BPTF: variants seen among roughly 807,000 people sequenced by gnomAD.
BPTF encodes bromodomain PHD finger transcription factor.
BPTF carries 18 observed loss-of-function variants against 292.5 expected under a neutral mutation model. The ratio of observed to expected loss-of-function variants is 0.06; its 90% confidence interval spans 0.04 to 0.09. BPTF has a LOEUF of 0.09. Among genes scored for constraint, BPTF ranks in the 10% least tolerant of loss-of-function variants. The probability of loss-of-function intolerance (pLI) is 1.00; values close to 1 mark genes in which losing one functional copy is unlikely to be tolerated. For synonymous variants in BPTF, 1,225 were observed against 1,251.9 expected (o/e 0.98, Z 0.45); for missense variants, 2,726 against 3,498.7 (o/e 0.78, Z 5.57).
In BPTF at chr17:67,903,882, G is replaced by T. The variant is rs546466065; in HGVS notation, c.2637G>T (p.Ala879=). Residue 879 remains alanine, a synonymous_variant, in exon 8 of 28, where the codon GCG becomes GCT. Transcript: ENST00000306378. ...KQEEEETMQQ[A]TWVKYTFPVK... ...AAGAAGAAGAAACGATGCAGCAAGCGACATGGGTAAAATACACATTTCCAG... is the reference window on the plus strand; with the variant it reads ...AAGAAGAAGAAACGATGCAGCAAGCTACATGGGTAAAATACACATTTCCAG... 2 of 1,592,824 alleles carry T rather than the reference G, an allele frequency of 1.3e-6. No homozygotes were observed. Among genetic ancestry groups the T allele is most frequent in the African/African-American group, 2.7e-5 (2 of 73,392 alleles).
At chr17:67,869,701 C>T (rs568897546) in intron 3 of BPTF, among the ~76,000 whole-genome samples, 1 of 151,728 alleles carries the variant, frequency 6.6e-6, no homozygotes, top group Non-Finnish European at 1.5e-5. Flanking sequence ...TTAGTTAAAC[C>T]GGCAGGGCAC....
intron 15 of BPTF, among the ~76,000 whole-genome samples, chr17:67,928,049 C>G (rs1025448624): frequency 5.3e-5 from 8 of 152,024 alleles, no homozygotes; most frequent in Admixed American, 3.3e-4. Flanking sequence ...ATGCTCAGCT[C>G]ATTTTTGTAT....
intron 2 of BPTF, among the ~76,000 whole-genome samples, chr17:67,856,019 G>T (rs1443270717): frequency 1.3e-5 from 2 of 152,118 alleles, no homozygotes; most frequent in African/African-American, 2.4e-5. Flanking sequence ...TTTCAATCTG[G>T]CAATTACGTT....
intron 14 of BPTF, among the ~76,000 whole-genome samples, chr17:67,924,317 G>A (rs1300245357): frequency 2.0e-5 from 3 of 152,118 alleles, no homozygotes; most frequent in Non-Finnish European, 2.9e-5. Context: ...GTTTCACCAT[G>A]TTGGCCAGGC....
Position 67,911,572 on chromosome 17 carries a change from A to G in BPTF, c.3688A>G (p.Ile1230Val). 1 of 1,614,146 alleles carries G rather than the reference A, an allele frequency of 6.2e-7. No homozygotes were observed. The highest frequency in any genetic ancestry group is 1.1e-5 in the South Asian group (1 of 91,078). Residue 1230 changes from isoleucine (I) to valine (V), a missense_variant, in exon 11 of 28, where the codon ATC (isoleucine) becomes GTC (valine). Ile to Val is a conservative substitution (Grantham distance 29). Transcript: ENST00000306378. ...CAGTGCAGATGATATTGGTACTTTG[A>G]TCTGTAAGAACAAAAAACCGCTCAT... ...LASADDIGTL[I>V]CKNKKPLIQE...
intron 4 of BPTF, among the ~76,000 whole-genome samples, chr17:67,886,485 C>T (rs2060763481): frequency 6.8e-6 from 1 of 147,788 alleles, no homozygotes; most frequent in African/African-American, 2.5e-5. Context: ...CTTTATTTTT[C>T]ATTTTTTTTT....
intron 14 of BPTF, among the ~76,000 whole-genome samples, chr17:67,923,471 CTTTTTTTTTTTTT>C (rs58462646): frequency 5.9e-5 from 4 of 67,494 alleles, no homozygotes; most frequent in African/African-American, 1.2e-4. Context: ...CTCTCTCTGT[CTTTTTTTTTTTTT>C]TTTTTTTTTT....
intron 2 of BPTF, among the ~76,000 whole-genome samples, chr17:67,861,415 C>G (rs2145283066): frequency 6.6e-6 from 1 of 151,928 alleles, no homozygotes; most frequent in Non-Finnish European, 1.5e-5. Context: ...ACTGCAACCC[C>G]CTGCCTCTTG....
chr17:67,846,072 A>G (rs767477733), intron 1 of BPTF, among the ~76,000 whole-genome samples: 20 of 152,326 alleles, frequency 1.3e-4, no homozygotes, highest in Admixed American at 5.2e-4. Flanking sequence ...AATATAGGGT[A>G]ACATTCACTA....
intron 9 of BPTF, among the ~76,000 whole-genome samples, chr17:67,908,108 T>A: frequency 6.6e-6 from 1 of 152,214 alleles, no homozygotes; most frequent in East Asian, 1.9e-4. Flanking sequence ...ATGGGCTTTC[T>A]GGAATGATCA....
intron 7 of BPTF, among the ~76,000 whole-genome samples, chr17:67,898,846 C>G (rs911509769): frequency 6.8e-6 from 1 of 146,954 alleles, no homozygotes; most frequent in Non-Finnish European, 1.5e-5. Flanking sequence ...CACTTGAGGC[C>G]AGGAGCTGGA....
At chr17:67,929,170 C>A in intron 16 of BPTF, 166 bp from the exon 17 acceptor site, 1 of 1,392,332 alleles carries the variant, frequency 7.2e-7, no homozygotes, top group Non-Finnish European at 9.3e-7. Flanking sequence ...CATACTGTTG[C>A]CATTATTTTT....
intron 4 of BPTF, among the ~76,000 whole-genome samples, chr17:67,891,181 C>CA (rs1221441428): frequency 2.0e-5 from 3 of 147,388 alleles, no homozygotes; most frequent in East Asian, 2.0e-4. Flanking sequence ...GACCCTGTCT[C>CA]AAAAAAAAGA....
At chr17:67,913,871 G>A (rs1256698249) in intron 11 of BPTF, among the ~76,000 whole-genome samples, 5 of 152,162 alleles carry the variant, frequency 3.3e-5, no homozygotes, top group African/African-American at 1.2e-4. Flanking sequence ...TTTTGTAAAT[G>A]TACAGTAATT....
Position 67,844,549 on chromosome 17 carries a change from T to C in BPTF, c.614-9391T>C, listed in dbSNP as rs2057883508. 4.1e-5 allele frequency among the ~76,000 whole-genome samples: 6 copies of C among 145,198 alleles called. 1 individual carries two copies. ...GGCGTGAGCCACCACGCCCGGCTAA[T>C]TTTTTTTTTCTTTTTTTTTTTTTGT... On this transcript the variant is annotated intron_variant, in intron 1 of 27. Transcript: ENST00000306378.
intron 3 of BPTF, among the ~76,000 whole-genome samples, chr17:67,869,676 A>G (rs1183906892): frequency 6.6e-6 from 1 of 151,976 alleles, no homozygotes; most frequent in Non-Finnish European, 1.5e-5. Context: ...TCAGCATGTA[A>G]TGTACTTTTA....
intron 7 of BPTF, among the ~76,000 whole-genome samples, chr17:67,903,133 G>A (rs1025846319): frequency 1.2e-4 from 19 of 152,240 alleles, no homozygotes; most frequent in African/African-American, 4.3e-4. Context: ...CTCGAAAGAT[G>A]GGGCCCCATG....
chr17:67,864,873 C>T (rs1053848927), intron 2 of BPTF, among the ~76,000 whole-genome samples: 3 of 152,038 alleles, frequency 2.0e-5, no homozygotes, highest in Non-Finnish European at 2.9e-5. Context: ...GGCGCGAACT[C>T]GGCTCACTCT....
chr17:67,843,754 CTTTTTTTT>C (rs56335701), intron 1 of BPTF, among the ~76,000 whole-genome samples: 12 of 62,272 alleles, frequency 1.9e-4, no homozygotes, highest in South Asian at 9.6e-4. Flanking sequence ...GAGCAGTTGT[CTTTTTTTT>C]TTTTTTTTTT....
Sources: gnomAD v4.1 joint callset for allele counts (sites outside exome capture counted in the v4.1 genomes callset) on GRCh38, gnomAD v4.1.1 for gene constraint, MANE v1.5 for transcripts, NCBI Gene and HGNC (gene_info 2026-07-23, HGNC 2026-07-21) for gene names.